SPIRE2: variants seen among roughly 807,000 people sequenced by gnomAD.
SPIRE2 encodes the protein spire type actin nucleation factor 2, also known as protein spire homolog 2.
SPIRE2 carries 76 observed loss-of-function variants against 80.7 expected under a neutral mutation model. The ratio of observed to expected loss-of-function variants is 0.94; its 90% confidence interval spans 0.78 to 1.14. The LOEUF is 1.14. Ranked by LOEUF, SPIRE2 falls within the 50% of genes most tolerant of loss-of-function variation. SPIRE2 has a pLI of 0.00. For missense variants in SPIRE2, 1,196 were observed against 1,015.3 expected (o/e 1.18, Z -2.42); for synonymous variants, 535 against 432.6 (o/e 1.24, Z -2.94).
At chr16:89,858,638 A>C in intron 8 of SPIRE2, 131 bp downstream of exon 8, 1 of 857,328 alleles carries the variant, frequency 1.2e-6, no homozygotes, top group Non-Finnish European at 1.7e-6. Context: ...CCTCCCTTGA[A>C]ACTGACATCC....
chr16:89,856,256 G>A lies in SPIRE2; in HGVS notation c.1102+20G>A, dbSNP rs1410874298. 1.9e-6 allele frequency: 3 copies of A among 1,555,660 alleles called. No individual in the cohort carries two copies. The African/African-American group carries it at 4.1e-5, about 21-fold the overall frequency. On this transcript the variant is annotated intron_variant, in intron 7 of 14. Transcript: ENST00000378247. Reference sequence around the variant, plus strand: ...CCCGCGGTGAGTGAGGGGATGGCAGGAGAAGAGAGCCCTGAGCCCCCGGCT... The same window carrying A: ...CCCGCGGTGAGTGAGGGGATGGCAGAAGAAGAGAGCCCTGAGCCCCCGGCT...
rs2143768081 is a variant in SPIRE2, at chr16:89,828,813, CAGCCGGCGGGGA to C, written c.244+20_244+31del. On this transcript the variant is annotated intron_variant, in intron 1 of 14. Coordinates refer to ENST00000378247, the MANE Select transcript of SPIRE2 (RefSeq NM_032451.2). This position sits in a 1 kb window ranked among gnomAD's most constrained non-coding sequence, Gnocchi z 5.9. Reference sequence around the variant, plus strand: ...GCCGCGGGTGAGGCCGGGGGCGGGGCAGCCGGCGGGGACCGCGGTCTGGGGCGTCCGTCCCGC... The same window carrying C: ...GCCGCGGGTGAGGCCGGGGGCGGGGCCCGCGGTCTGGGGCGTCCGTCCCGC... The C allele has an allele frequency of 8.5e-7, 1 of 1,175,738 alleles. No homozygotes were observed. Among genetic ancestry groups the C allele is most frequent in the East Asian group, 3.8e-5 (1 of 26,318 alleles). 72.8% of individuals were successfully genotyped at this position (1,175,738 alleles called of 1,614,324 possible).
chr16:89,844,431 C>T (rs550871275), intron 1 of SPIRE2, among the ~76,000 whole-genome samples: 85 of 151,614 alleles, frequency 5.6e-4, no homozygotes, highest in Middle Eastern at 3.4e-3. Context: ...CCACCTCAGC[C>T]TCCCAAAGTA....
intron 1 of SPIRE2, among the ~76,000 whole-genome samples, chr16:89,841,959 C>T (rs2041509877): frequency 6.6e-6 from 1 of 151,876 alleles, no homozygotes; most frequent in African/African-American, 2.4e-5. Context: ...AACTCCTGAC[C>T]TCAGGTGATC....
intron 6 of SPIRE2, 61 bp from the exon 7 acceptor site, chr16:89,856,052 G>A (rs2041687630): frequency 4.4e-6 from 7 of 1,588,750 alleles, no homozygotes; most frequent in Non-Finnish European, 6.0e-6. Flanking sequence ...CCCCACCGCA[G>A]GTCCCGCTTC....
chr16:89,862,416 G>A (rs538625523), intron 10 of SPIRE2: 7 of 152,274 alleles, frequency 4.6e-5, no homozygotes, highest in Non-Finnish European at 1.0e-4. Flanking sequence ...TGGTTCTTTA[G>A]CTCTGAAGTC....
intron 4 of SPIRE2, 33 bp from the exon 5 acceptor site, chr16:89,854,454 G>A: frequency 6.2e-7 from 1 of 1,611,036 alleles, no homozygotes; most frequent in Non-Finnish European, 8.5e-7. Context: ...CTTCACCTGG[G>A]GCTGAGACCC....
At chr16:89,842,355 G>A (rs1410572994) in intron 1 of SPIRE2, among the ~76,000 whole-genome samples, 1 of 151,746 alleles carries the variant, frequency 6.6e-6, no homozygotes, top group Non-Finnish European at 1.5e-5. Flanking sequence ...TGGGATTACA[G>A]GCATGTGCCA....
chr16:89,837,939 C>T (rs947782079), intron 1 of SPIRE2, among the ~76,000 whole-genome samples: 2 of 152,240 alleles, frequency 1.3e-5, no homozygotes, highest in African/African-American at 2.4e-5. Flanking sequence ...TAAACAAACA[C>T]AGACTCCTGG....
intron 1 of SPIRE2, among the ~76,000 whole-genome samples, chr16:89,832,469 A>G (rs534188424): frequency 6.8e-4 from 104 of 152,254 alleles, no homozygotes; most frequent in Admixed American, 2.5e-3. Flanking sequence ...CCCAGAGGAG[A>G]TAATATTTTC....
intron 1 of SPIRE2, 114 bp from the exon 2 acceptor site, chr16:89,845,208 C>G: frequency 2.1e-6 from 2 of 945,432 alleles, no homozygotes; most frequent in South Asian, 1.4e-5. Context: ...TTCTGGTGTT[C>G]CGGCGGAGAG....
At chr16:89,836,862 G>T (rs2143782515) in intron 1 of SPIRE2, among the ~76,000 whole-genome samples, 1 of 152,064 alleles carries the variant, frequency 6.6e-6, no homozygotes, top group African/African-American at 2.4e-5. Context: ...GGGCGTCGTG[G>T]TACATGCCTG....
At position 89,828,650 on chromosome 16, in the gene SPIRE2, C is replaced by T. The variant is rs867654662; in HGVS notation, c.100C>T (p.Pro34Ser). Residue 34 changes from proline to serine, a missense_variant, in exon 1 of 15, where the codon CCG becomes TCG. By Grantham distance (74) the Pro-to-Ser change is moderately conservative (BLOSUM62 -1). Transcript: ENST00000378247. This position sits in a 1 kb window ranked among gnomAD's most constrained non-coding sequence, Gnocchi z 5.9. The part of the protein sequence containing the change: ...LEEVLKAYEQ[P>S]LNEEQAWAVC... ...GGAGGTGCTGAAGGCCTACGAGCAG[C>T]CGCTCAACGAGGAGCAGGCGTGGGC... is the stretch of plus-strand genomic sequence containing the variant. The T allele has an allele frequency of 7.3e-7, 1 of 1,366,356 alleles. No homozygotes were observed. Among genetic ancestry groups the T allele is most frequent in the Non-Finnish European group, 9.5e-7 (1 of 1,049,350 alleles). 84.6% of individuals were successfully genotyped at this position (1,366,356 alleles called of 1,614,324 possible).
chr16:89,840,500 C>T (rs945392019), intron 1 of SPIRE2, among the ~76,000 whole-genome samples: 37 of 151,408 alleles, frequency 2.4e-4, no homozygotes, highest in East Asian at 1.9e-4. Flanking sequence ...CCGCCCGCCT[C>T]GGCCTCCCAA....
chr16:89,867,308 T>A (rs1455867285), intron 12 of SPIRE2, among the ~76,000 whole-genome samples: 1 of 115,246 alleles, frequency 8.7e-6, no homozygotes. Flanking sequence ...CATGCCCGGC[T>A]AATTTTTTGT....
rs181467343 is a variant in SPIRE2, at chr16:89,863,906, C to A, written c.1778+45C>A. 2.0e-6 allele frequency: 3 copies of A among 1,500,750 alleles called. No individual in the cohort carries two copies. The highest frequency in any genetic ancestry group is 2.3e-5 in the East Asian group (1 of 44,384). The allele number at this position is 1,500,750 out of a possible 1,614,324, so 93.0% of individuals were successfully genotyped here. A position where few individuals can be genotyped will look rare whatever the true frequency, so the allele number is the denominator to read the frequency against. On this transcript the variant is annotated intron_variant, in intron 12 of 14. Transcript: ENST00000378247. The surrounding 1 kb of genome is among the most constrained non-coding windows in gnomAD (Gnocchi z 4.3). ...GTCAGTTCACAAGGGAAGGAGGAGG[C>A]GAGAAACCTCGGGGCAGTACCGCCC...
chr16:89,845,597 G>A (rs779107276), intron 2 of SPIRE2: 1 of 702,614 alleles, frequency 1.4e-6, no homozygotes, highest in South Asian at 1.5e-5. Flanking sequence ...CCGGCCTGGA[G>A]GAGGCAGTGG....
rs530322757 is a variant in SPIRE2, at chr16:89,870,510, G to C, written c.*238G>C. On this transcript the variant is annotated 3_prime_UTR_variant, in exon 15 of 15. Coordinates refer to ENST00000378247, the MANE Select transcript of SPIRE2 (RefSeq NM_032451.2). ...CAGGATTCCTTGCCAGGGAGGAAGG[G>C]GAGGGAACAGGGTGGGTTTTCTCAC... 156 of 478,360 alleles carry C rather than the reference G, an allele frequency of 3.3e-4. 1 individual carries two copies. Among genetic ancestry groups the C allele is most frequent in the African/African-American group, 2.9e-3 (148 of 51,810 alleles). The allele number at this position is 478,360 out of a possible 1,614,324, so 29.6% of individuals were successfully genotyped here.
At position 89,859,250 on chromosome 16, in the gene SPIRE2, TG is replaced by T; in HGVS notation, c.1360del (p.Ala454ProfsTer63). ...GACCTGGCCCAGCTCCGAAGTGAGG[TG>T]GCCTCTGGCCTGCAGTCGGCCACCC... The part of the protein sequence containing the change: ...EHDLAQLRSE[V>X]ASGLQSATHP... On this transcript the variant is annotated frameshift_variant, in exon 9 of 15. Transcript: ENST00000378247. LOFTEE classifies it high-confidence loss of function. The T allele has an allele frequency of 1.2e-6, 2 of 1,608,286 alleles. No homozygotes were observed. Among genetic ancestry groups the T allele is most frequent in the Non-Finnish European group, 1.7e-6 (2 of 1,178,516 alleles).
Sources: allele counts gnomAD v4.1 joint callset (sites outside exome capture counted in the v4.1 genomes callset), GRCh38; gene constraint gnomAD v4.1.1; non-coding constraint Gnocchi (gnomAD v3.1); transcripts MANE v1.5; gene names NCBI Gene and HGNC (gene_info 2026-07-23, HGNC 2026-07-21).